Variants in PKNOX1 observed in about 807,000 individuals in gnomAD.
The protein encoded by PKNOX1 is PBX/knotted 1 homeobox 1.
In PKNOX1, 15 loss-of-function variants were observed where a neutral mutation model predicts 51.9. The observed-to-expected ratio is 0.29, with a 90% CI of 0.19 to 0.45. The LOEUF is 0.45. Ranked by LOEUF, PKNOX1 falls within the 20% of genes least tolerant of loss-of-function variation. The probability of loss-of-function intolerance (pLI) is 1.00; values close to 1 mark genes in which losing one functional copy is unlikely to be tolerated. For missense variants in PKNOX1, 462 were observed against 547.5 expected (o/e 0.84, Z 1.56); for synonymous variants, 219 against 211.1 (o/e 1.04, Z -0.32).
chr21:42,994,980 G>A (rs564480065), intron 1 of PKNOX1, among the ~76,000 whole-genome samples: 126 of 140,756 alleles, frequency 9.0e-4, no homozygotes, highest in African/African-American at 3.1e-3. Context: ...GGAGTGCAGT[G>A]GCGCAATCTT....
In PKNOX1 at chr21:42,984,974, CTTTTTTTTTTTTTTTT is replaced by C. The variant is rs71195904; in HGVS notation, c.-57+10322_-57+10337del. Among the ~76,000 whole-genome samples the C allele has an allele frequency of 1.4e-3, 82 of 58,014 alleles. 1 individual carries two copies. In the East Asian group the frequency reaches 0.029, roughly 20 times the overall value. The allele number at this position is 58,014 out of a possible 152,430, so 38.1% of individuals were successfully genotyped here. On this transcript the variant is annotated intron_variant, in intron 1 of 10. Coordinates refer to ENST00000291547, the MANE Select transcript of PKNOX1 (RefSeq NM_004571.5). The stretch of plus-strand genomic sequence containing the variant: ...GGGTTAGGGTTCCTCATTTTCTTTT[CTTTTTTTTTTTTTTTT>C]TTTTTTTTTTTGAGATGGAGTCTCA...
intron 1 of PKNOX1, among the ~76,000 whole-genome samples, chr21:42,981,428 A>G (rs1391668940): frequency 6.6e-6 from 1 of 152,260 alleles, no homozygotes. Flanking sequence ...GCAGTGTGGT[A>G]ATTCAGTCAA....
In PKNOX1 at chr21:43,013,291, A is replaced by G. The variant is rs1601294198; in HGVS notation, c.522+53A>G. 2.2e-6 allele frequency: 3 copies of G among 1,339,180 alleles called. No individual in the cohort carries two copies. The East Asian group carries it at 7.3e-5, about 33-fold the overall frequency. 83.0% of individuals were successfully genotyped at this position (1,339,180 alleles called of 1,614,324 possible). A position where few individuals can be genotyped will look rare whatever the true frequency, so the allele number is the denominator to read the frequency against. ...CCTCTCTGCCACTGTGAACATCTGC[A>G]TTGAGTCATGAGACCACCAGCTCTT... On this transcript the variant is annotated intron_variant, in intron 5 of 10. Coordinates refer to ENST00000291547, the MANE Select transcript of PKNOX1 (RefSeq NM_004571.5).
chr21:42,986,729 G>A (rs1486021928), intron 1 of PKNOX1, among the ~76,000 whole-genome samples: 1 of 152,122 alleles, frequency 6.6e-6, no homozygotes, highest in African/African-American at 2.4e-5. Context: ...CCTGGAGAAG[G>A]TATTTTGGGA....
chr21:42,993,041 C>T (rs1337457522), intron 1 of PKNOX1, among the ~76,000 whole-genome samples: 2 of 152,252 alleles, frequency 1.3e-5, no homozygotes, highest in East Asian at 1.9e-4. Context: ...AGATGGAAGC[C>T]TCCTTGCCTT....
At chr21:43,011,318 C>T (rs1979241110) in intron 4 of PKNOX1, among the ~76,000 whole-genome samples, 2 of 152,120 alleles carry the variant, frequency 1.3e-5, no homozygotes, top group Non-Finnish European at 2.9e-5. Flanking sequence ...ATCTGCCTGC[C>T]TCAGCCTCCC....
At chr21:42,992,789 G>C (rs1168064755) in intron 1 of PKNOX1, among the ~76,000 whole-genome samples, 4 of 143,390 alleles carry the variant, frequency 2.8e-5, no homozygotes, top group Non-Finnish European at 6.1e-5. Flanking sequence ...CAGCACTGGG[G>C]GGTTCTCTCA....
At chr21:42,979,882 T>A (rs1411154369) in intron 1 of PKNOX1, among the ~76,000 whole-genome samples, 3 of 152,258 alleles carry the variant, frequency 2.0e-5, no homozygotes, top group Non-Finnish European at 4.4e-5. Context: ...GCTTTTCACT[T>A]CAGACATTTA....
intron 1 of PKNOX1, among the ~76,000 whole-genome samples, chr21:42,985,815 A>G (rs758813983): frequency 1.3e-5 from 2 of 149,126 alleles, no homozygotes; most frequent in Non-Finnish European, 3.0e-5. Flanking sequence ...CCTGGTCAAC[A>G]TGGCAAAACC....
At chr21:43,006,768 C>G (rs796684007) in intron 2 of PKNOX1, among the ~76,000 whole-genome samples, 1 of 152,308 alleles carries the variant, frequency 6.6e-6, no homozygotes, top group African/African-American at 2.4e-5. Context: ...ATGGCCAAAT[C>G]CACCGCGGGA....
At chr21:43,006,435 C>G (rs549913835) in intron 2 of PKNOX1, among the ~76,000 whole-genome samples, 4 of 152,212 alleles carry the variant, frequency 2.6e-5, no homozygotes, top group East Asian at 3.9e-4. Context: ...CTTTTTAAGG[C>G]TTTTTATACA....
intron 1 of PKNOX1, among the ~76,000 whole-genome samples, chr21:42,997,351 G>A (rs1285171456): frequency 2.0e-5 from 3 of 152,156 alleles, no homozygotes; most frequent in Non-Finnish European, 4.4e-5. Context: ...GGCCTCGGGA[G>A]CCTTACGTTC....
Position 43,032,091 on chromosome 21 carries a change from C to CTCAG in PKNOX1, c.*1991_*1994dup, listed in dbSNP as rs1336061136. ...GTCGGGCTGGTCTCGAACTCCCGACCTCAGGTGATCTGCCTGCCTCAGCCT... is the reference window on the plus strand; with the variant it reads ...GTCGGGCTGGTCTCGAACTCCCGACCTCAGTCAGGTGATCTGCCTGCCTCAGCCT... On this transcript the variant is annotated 3_prime_UTR_variant, in exon 11 of 11. Transcript: ENST00000291547. 3 of 446,950 alleles carry CTCAG rather than the reference C, an allele frequency of 6.7e-6. No individual in the cohort carries two copies. The highest frequency in any genetic ancestry group is 4.0e-5 in the African/African-American group (2 of 49,474). The allele number at this position is 446,950 out of a possible 1,614,324, so 27.7% of individuals were successfully genotyped here. A position where few individuals can be genotyped will look rare whatever the true frequency, so the allele number is the denominator to read the frequency against.
chr21:42,997,715 A>T (rs895883928), intron 1 of PKNOX1, among the ~76,000 whole-genome samples: 3 of 152,194 alleles, frequency 2.0e-5, no homozygotes, highest in African/African-American at 7.2e-5. Context: ...AGTGTGGGTG[A>T]GATTCATCAG....
intron 1 of PKNOX1, among the ~76,000 whole-genome samples, chr21:42,985,022 C>T (rs1340975351): frequency 9.1e-6 from 1 of 109,760 alleles, no homozygotes; most frequent in Non-Finnish European, 1.7e-5. Context: ...CTCACTCGCT[C>T]TGTTGCCCAG....
intron 4 of PKNOX1, among the ~76,000 whole-genome samples, chr21:43,010,528 C>G (rs1283427368): frequency 6.6e-6 from 1 of 152,140 alleles, no homozygotes; most frequent in African/African-American, 2.4e-5. Context: ...CTCAGTCTCT[C>G]AAGGCCCAAC....
chr21:42,994,033 T>A (rs1245975841), intron 1 of PKNOX1, among the ~76,000 whole-genome samples: 2 of 2,616 alleles, frequency 7.6e-4, no homozygotes, highest in Non-Finnish European at 3.0e-3. Flanking sequence ...CGCCCAGCCT[T>A]TTTTTTTTTT....
chr21:43,012,061 CCAT>C (rs1695677359), intron 4 of PKNOX1, among the ~76,000 whole-genome samples: 1 of 152,156 alleles, frequency 6.6e-6, no homozygotes, highest in South Asian at 2.1e-4. Flanking sequence ...GTTTGACACT[CCAT>C]CATTTTTGTT....
chr21:42,995,776 A>G (rs568351792), intron 1 of PKNOX1, among the ~76,000 whole-genome samples: 9 of 152,296 alleles, frequency 5.9e-5, no homozygotes, highest in East Asian at 3.9e-4. Flanking sequence ...GCATCCATCG[A>G]TGATTCCTGT....
Sources: gnomAD v4.1 joint callset for allele counts (sites outside exome capture counted in the v4.1 genomes callset) on GRCh38, gnomAD v4.1.1 for gene constraint, MANE v1.5 for transcripts, NCBI Gene and HGNC (gene_info 2026-07-23, HGNC 2026-07-21) for gene names.